The following EDARADD variants were observed in gnomAD, a reference collection of about 807,000 sequenced individuals.
EDARADD encodes the protein ectodysplasin-A receptor-associated adapter protein.
A neutral mutation model predicts 25.6 loss-of-function variants in EDARADD; 20 were observed. That is an observed-to-expected ratio of 0.78 (90% CI 0.55 to 1.14). EDARADD has a LOEUF of 1.14. Among genes scored for constraint, EDARADD ranks in the 50% most tolerant of loss-of-function variants. EDARADD has a pLI of 0.00. For synonymous variants in EDARADD, 86 were observed against 94.4 expected (o/e 0.91, Z 0.52); for missense variants, 225 against 270.1 (o/e 0.83, Z 1.17).
At chr1:236,455,647 C>G (rs1658837829) in intron 4 of EDARADD, among the ~76,000 whole-genome samples, 3 of 152,238 alleles carry the variant, frequency 2.0e-5, no homozygotes, top group Admixed American at 2.0e-4. Flanking sequence ...TCACTTAATT[C>G]AGCCTTGCAG....
intron 2 of EDARADD, 51 bp from the exon 3 acceptor site, chr1:236,414,209 G>T: frequency 1.4e-6 from 2 of 1,480,302 alleles, no homozygotes; most frequent in South Asian, 2.3e-5. Flanking sequence ...TTTTCACTTT[G>T]ATCTTACATG....
intron 5 of EDARADD, among the ~76,000 whole-genome samples, chr1:236,478,357 A>ATGTGTGTG (rs746114148): frequency 0.053 from 6,770 of 128,200 alleles, 240 homozygotes; most frequent in South Asian, 0.091. Context: ...ATCCATATAT[A>ATGTGTGTG]TATGTGTGTG....
At chr1:236,405,785 C>CTTTCTTTCT (rs1667706337) in intron 1 of EDARADD, among the ~76,000 whole-genome samples, 1 of 54,432 alleles carries the variant, frequency 1.8e-5, no homozygotes, top group South Asian at 7.1e-4. Flanking sequence ...TTCTTTCTTT[C>CTTTCTTTCT]TTTCTTTTCT....
intron 5 of EDARADD, among the ~76,000 whole-genome samples, chr1:236,475,048 G>A (rs185915288): frequency 1.3e-5 from 2 of 152,034 alleles, no homozygotes; most frequent in Non-Finnish European, 2.9e-5. Context: ...CAGGAGAATC[G>A]CTTGAACCTG....
chr1:236,380,317 TTTA>T (rs1667283745), intron 3 of EDARADD, among the ~76,000 whole-genome samples: 1 of 152,168 alleles, frequency 6.6e-6, no homozygotes, highest in Non-Finnish European at 1.5e-5. Flanking sequence ...AAAAATCCAT[TTTA>T]CTTTCATTTT....
At chr1:236,441,590 C>T (rs1487046424) in intron 4 of EDARADD, among the ~76,000 whole-genome samples, 1 of 150,544 alleles carries the variant, frequency 6.6e-6, no homozygotes, top group African/African-American at 2.4e-5. Flanking sequence ...ATGGTGCGAT[C>T]TCCGCTCACT....
chr1:236,370,674 A>T (rs1314923939), intron 3 of EDARADD, among the ~76,000 whole-genome samples: 3 of 152,180 alleles, frequency 2.0e-5, no homozygotes, highest in African/African-American at 7.2e-5. Flanking sequence ...ACAAGATCAG[A>T]TGAGCCAGTT....
At chr1:236,382,154 A>G (rs1226147637) in intron 3 of EDARADD, among the ~76,000 whole-genome samples, 1 of 152,004 alleles carries the variant, frequency 6.6e-6, no homozygotes. Context: ...TTCCAATTAC[A>G]TGTATATTAA....
At chr1:236,476,724 C>T (rs1203352915) in intron 5 of EDARADD, among the ~76,000 whole-genome samples, 1 of 152,150 alleles carries the variant, frequency 6.6e-6, no homozygotes, top group African/African-American at 2.4e-5. Context: ...TGGGTTTCTC[C>T]ATGTTGGTCA....
upstream of EDARADD, among the ~76,000 whole-genome samples, chr1:236,391,875 T>C (rs1667430471): frequency 2.0e-5 from 3 of 152,206 alleles, no homozygotes; most frequent in Admixed American, 1.3e-4. Flanking sequence ...GCCCATGAGT[T>C]AAAGCCTCGG....
intron 3 of EDARADD, among the ~76,000 whole-genome samples, chr1:236,365,192 C>T (rs1330278009): frequency 6.6e-6 from 1 of 150,482 alleles, no homozygotes; most frequent in African/African-American, 2.5e-5. Context: ...GAGACAGGGT[C>T]TTTCTCTGTC....
chr1:236,354,605 T>G (rs1419182564), intron 3 of EDARADD, among the ~76,000 whole-genome samples: 1 of 152,156 alleles, frequency 6.6e-6, no homozygotes, highest in Non-Finnish European at 1.5e-5. Flanking sequence ...CTAAACTCCC[T>G]AACAGTAGGA....
intron 3 of EDARADD, among the ~76,000 whole-genome samples, chr1:236,353,018 A>AC (rs1666935119): frequency 1.4e-5 from 2 of 139,124 alleles, no homozygotes; most frequent in Admixed American, 7.6e-5. Context: ...TCTAAAAAAA[A>AC]AACAACAACA....
chr1:236,443,462 C>T (rs1658453932), intron 4 of EDARADD, among the ~76,000 whole-genome samples: 1 of 151,958 alleles, frequency 6.6e-6, no homozygotes, highest in South Asian at 2.1e-4. Context: ...TCAACATTTA[C>T]GGGAGTTTGG....
chr1:236,458,756 G>A (rs1658955207), intron 4 of EDARADD, among the ~76,000 whole-genome samples: 2 of 147,074 alleles, frequency 1.4e-5, no homozygotes, highest in African/African-American at 5.0e-5. Context: ...AGATTCTCCT[G>A]TCTCAGCCTC....
intron 4 of EDARADD, among the ~76,000 whole-genome samples, chr1:236,465,133 C>G (rs543700606): frequency 6.6e-6 from 1 of 152,306 alleles, no homozygotes; most frequent in Admixed American, 6.5e-5. Flanking sequence ...AGGAGTGATG[C>G]GGAGTCTCAT....
At chr1:236,425,277 C>G (rs1281784931) in intron 3 of EDARADD, among the ~76,000 whole-genome samples, 1 of 152,214 alleles carries the variant, frequency 6.6e-6, no homozygotes, top group Non-Finnish European at 1.5e-5. Context: ...TTTCTTTCTT[C>G]ATTAGCACCT....
intron 3 of EDARADD, among the ~76,000 whole-genome samples, chr1:236,351,708 C>CA (rs35576705): frequency 1.0e-3 from 127 of 123,362 alleles, no homozygotes; most frequent in South Asian, 2.1e-3. Context: ...GACTCTGTCT[C>CA]AAAAAAAAAA....
chr1:236,399,173 T>A (rs977502145), intron 1 of EDARADD, among the ~76,000 whole-genome samples: 2 of 152,134 alleles, frequency 1.3e-5, no homozygotes, highest in African/African-American at 4.8e-5. Context: ...ATGAGTTAAT[T>A]GTATTTATTT....
Sources: gnomAD v4.1 joint callset for allele counts (sites outside exome capture counted in the v4.1 genomes callset) on GRCh38, gnomAD v4.1.1 for gene constraint, MANE v1.5 for transcripts, NCBI Gene and HGNC (gene_info 2026-07-23, HGNC 2026-07-21) for gene names.